The following BAZ2B variants were observed in gnomAD, a reference collection of about 807,000 sequenced individuals.
BAZ2B encodes bromodomain adjacent to zinc finger domain protein 2B.
In BAZ2B, 91 loss-of-function variants were observed where a neutral mutation model predicts 246.0. The observed-to-expected ratio is 0.37, with a 90% confidence interval of 0.31 to 0.44. The LOEUF (loss-of-function observed/expected upper bound fraction) is 0.44. Among genes scored for constraint, BAZ2B ranks in the 20% least tolerant of loss-of-function variants. The probability of loss-of-function intolerance (pLI) is 1.00; values close to 1 mark genes in which losing one functional copy is unlikely to be tolerated. For synonymous variants in BAZ2B, 855 were observed against 860.0 expected (o/e 0.99, Z 0.10); for missense variants, 2,332 against 2,533.7 (o/e 0.92, Z 1.71).
At chr2:159,440,039 T>C (rs996327849) in intron 6 of BAZ2B, among the ~76,000 whole-genome samples, 1 of 152,250 alleles carries the variant, frequency 6.6e-6, no homozygotes, top group East Asian at 1.9e-4. Context: ...AATCATGAGA[T>C]GTATTATAAC....
At chr2:159,621,575 A>C in the BAZ2B span, among the ~76,000 whole-genome samples, 3 of 152,210 alleles carry the variant, frequency 2.0e-5, no homozygotes, top group Non-Finnish European at 4.4e-5. Context: ...AAAACCAATA[A>C]AACATAATAG....
Position 159,395,811 on chromosome 2 carries a change from GT to G in BAZ2B, c.3032del (p.His1011ProfsTer2). 1 of 1,611,972 alleles carries G rather than the reference GT, an allele frequency of 6.2e-7. No individual in the cohort carries two copies. The highest frequency in any genetic ancestry group is 1.1e-5 in the South Asian group (1 of 90,844). On this transcript the variant is annotated frameshift_variant, in exon 20 of 37. Transcript: ENST00000392783. LOFTEE classifies it high-confidence loss of function. ...CTTCCATAGCTTTCATAAGCATCAT[GT>G]GTTGTCGCCTTCGCTCTCGTTCCTA... ...KHQERERRRQ[H>X]MMLMKAMEAR...
chr2:159,428,797 C>G (rs1301674790), intron 11 of BAZ2B, among the ~76,000 whole-genome samples: 1 of 152,112 alleles, frequency 6.6e-6, no homozygotes, highest in Non-Finnish European at 1.5e-5. Context: ...AGTCTAAAAG[C>G]TGTCATTTCT....
At chr2:159,526,250 G>T (rs1173557446) in intron 2 of BAZ2B, among the ~76,000 whole-genome samples, 2 of 152,036 alleles carry the variant, frequency 1.3e-5, no homozygotes, top group Non-Finnish European at 2.9e-5. Flanking sequence ...AAGTAGAGCA[G>T]AAATCTTTTA....
the BAZ2B span, among the ~76,000 whole-genome samples, chr2:159,706,388 T>C: frequency 6.6e-6 from 1 of 152,228 alleles, no homozygotes; most frequent in African/African-American, 2.4e-5. Flanking sequence ...GCTGCCTAAC[T>C]TGGCAGAAGG....
intron 2 of BAZ2B, among the ~76,000 whole-genome samples, chr2:159,525,235 A>G (rs2084601783): frequency 6.6e-6 from 1 of 152,210 alleles, no homozygotes; most frequent in Non-Finnish European, 1.5e-5. Context: ...GGGGAAGGAC[A>G]ACATAAGCTA....
At chr2:159,398,690 C>T in intron 18 of BAZ2B, 139 bp downstream of exon 18, 1 of 705,030 alleles carries the variant, frequency 1.4e-6, no homozygotes, top group South Asian at 2.1e-5. Context: ...AAAACATACA[C>T]TATACACATG....
chr2:159,479,343 T>C (rs1445357153), intron 2 of BAZ2B, among the ~76,000 whole-genome samples: 1 of 152,210 alleles, frequency 6.6e-6, no homozygotes, highest in Non-Finnish European at 1.5e-5. Flanking sequence ...TTTGTTGGGC[T>C]TTATGGTTGT....
intron 2 of BAZ2B, among the ~76,000 whole-genome samples, chr2:159,538,926 C>T (rs10193152): frequency 0.031 from 4,695 of 152,306 alleles, 244 homozygotes; most frequent in African/African-American, 0.11. Context: ...TTCAACTTTT[C>T]CATGTGTCTT....
At chr2:159,484,199 A>T (rs2079564167) in intron 2 of BAZ2B, among the ~76,000 whole-genome samples, 1 of 152,228 alleles carries the variant, frequency 6.6e-6, no homozygotes, top group Admixed American at 6.5e-5. Flanking sequence ...TATGGATGAA[A>T]AACTCTGATC....
intron 1 of BAZ2B, among the ~76,000 whole-genome samples, chr2:159,577,736 T>C (rs527352700): frequency 1.3e-5 from 2 of 152,210 alleles, no homozygotes; most frequent in African/African-American, 2.4e-5. Context: ...CAGTTTAGAT[T>C]GACCAAAGTC....
At chr2:159,688,448 T>C in the BAZ2B span, among the ~76,000 whole-genome samples, 1 of 152,208 alleles carries the variant, frequency 6.6e-6, no homozygotes, top group Admixed American at 6.5e-5. Flanking sequence ...TATAAAGATA[T>C]TTTTCATCAT....
chr2:159,707,239 C>T, the BAZ2B span, among the ~76,000 whole-genome samples: 755 of 152,220 alleles, frequency 5.0e-3, 3 homozygotes, highest in African/African-American at 0.017. Flanking sequence ...AGTTTTCCAA[C>T]TCCTAGTTTT....
intron 13 of BAZ2B, among the ~76,000 whole-genome samples, chr2:159,413,576 C>T (rs1212857432): frequency 6.6e-6 from 1 of 152,058 alleles, no homozygotes; most frequent in Non-Finnish European, 1.5e-5. Flanking sequence ...GGTGTGGTGA[C>T]AGGCACCTGT....
At chr2:159,318,511 G>A (rs991045400), downstream of BAZ2B, among the ~76,000 whole-genome samples, 11 of 152,166 alleles carry the variant, frequency 7.2e-5, no homozygotes, top group African/African-American at 2.2e-4. Flanking sequence ...CCACTTCAAG[G>A]GGCTATAAGC....
chr2:159,330,566 A>T (rs2064558635), intron 34 of BAZ2B, among the ~76,000 whole-genome samples: 1 of 152,180 alleles, frequency 6.6e-6, no homozygotes, highest in Non-Finnish European at 1.5e-5. Flanking sequence ...TAGTGAGTTC[A>T]AGAGTGAATC....
At chr2:159,456,186 A>G (rs1354486459) in intron 3 of BAZ2B, among the ~76,000 whole-genome samples, 1 of 152,126 alleles carries the variant, frequency 6.6e-6, no homozygotes, top group African/African-American at 2.4e-5. Context: ...AATTGAAATT[A>G]TCAAGGATTA....
chr2:159,535,322 G>C (rs1287933932), intron 2 of BAZ2B, among the ~76,000 whole-genome samples: 1 of 143,348 alleles, frequency 7.0e-6, no homozygotes, highest in Non-Finnish European at 1.5e-5. Flanking sequence ...AGGAGTTCAA[G>C]ACCAGCCTGG....
chr2:159,349,658 A>G, intron 28 of BAZ2B, 50 bp downstream of exon 28: 1 of 1,508,576 alleles, frequency 6.6e-7, no homozygotes. Flanking sequence ...CCATGGGGTC[A>G]AAGATTACAT....
Sources: gnomAD v4.1 joint callset for allele counts (sites outside exome capture counted in the v4.1 genomes callset) on GRCh38, gnomAD v4.1.1 for gene constraint, MANE v1.5 for transcripts, NCBI Gene and HGNC (gene_info 2026-07-23, HGNC 2026-07-21) for gene names.